The following COASY variants were observed in gnomAD, a reference collection of about 807,000 sequenced individuals.
COASY encodes Coenzyme A synthase.
In COASY, 31 loss-of-function variants were observed where a neutral mutation model predicts 49.4. The ratio of observed to expected loss-of-function variants is 0.63; its 90% CI spans 0.47 to 0.85. The LOEUF (loss-of-function observed/expected upper bound fraction) is 0.85. Among genes scored for constraint, COASY ranks in the 40% least tolerant of loss-of-function variants. The probability of loss-of-function intolerance (pLI) is 0.00; values close to 1 mark genes in which losing one functional copy is unlikely to be tolerated. For synonymous variants in COASY, 285 were observed against 310.9 expected (o/e 0.92, Z 0.88); for missense variants, 730 against 734.1 (o/e 0.99, Z 0.06).
In COASY at chr17:42,563,418, T is replaced by C. The variant is rs145954924; in HGVS notation, c.700+96T>C. The C allele has an allele frequency of 8.0e-4, 934 of 1,170,510 alleles. 10 individuals are homozygous for C. In the African/African-American group the frequency reaches 0.013, roughly 17 times the overall value. The allele number at this position is 1,170,510 out of a possible 1,614,324, so 72.5% of individuals were successfully genotyped here. Reference sequence around the variant, plus strand: ...ATCAAGGAAGGGTAGGGCCATTCATTACTTCCCACCCTTCCCAAATGTCAC... The same window carrying C: ...ATCAAGGAAGGGTAGGGCCATTCATCACTTCCCACCCTTCCCAAATGTCAC... On this transcript the variant is annotated intron_variant, in intron 1 of 8. Transcript: ENST00000393818.
Position 42,565,970 on chromosome 17 carries a change from A to T in COASY, c.*2A>T. ...AAGACTCATCAGGCCCTCGACTGAA[A>T]AGTTCTCAGTGGGGCCAGACTGGCT... On this transcript the variant is annotated 3_prime_UTR_variant, in exon 9 of 9. Transcript: ENST00000393818. 1 of 1,613,742 alleles carries T rather than the reference A, an allele frequency of 6.2e-7. No individual in the cohort carries two copies. Among genetic ancestry groups the T allele is most frequent in the South Asian group, 1.1e-5 (1 of 91,086 alleles).
chr17:42,566,096 C>A lies in COASY; in HGVS notation c.*128C>A. 2.0e-6 allele frequency: 2 copies of A among 981,008 alleles called. No homozygotes were observed. Among genetic ancestry groups the A allele is most frequent in the Non-Finnish European group, 3.1e-6 (2 of 638,284 alleles). The allele number at this position is 981,008 out of a possible 1,614,324, so 60.8% of individuals were successfully genotyped here. A position where few individuals can be genotyped will look rare whatever the true frequency, so the allele number is the denominator to read the frequency against. The stretch of plus-strand genomic sequence containing the variant: ...CCAAGCTATACTGTGCAGGACATGG[C>A]CAGGCCTGGTGGACACAGGAAGCCT... On this transcript the variant is annotated 3_prime_UTR_variant, in exon 9 of 9. Transcript: ENST00000393818.
chr17:42,565,737 C>G lies in COASY; in HGVS notation c.1564C>G (p.Gln522Glu). 6.2e-7 allele frequency: 1 copy of G among 1,613,940 alleles called. No individual in the cohort carries two copies. The highest frequency in any genetic ancestry group is 8.5e-7 in the Non-Finnish European group (1 of 1,180,034). ...CCGGCTGCAGAGCCAGATGAGCGGG[C>G]AGCAGCTTGTGGAACAGAGCCACGT... ...QSRLQSQMSG[Q>E]QLVEQSHVVL... Residue 522 changes from glutamine (Q) to glutamate (E), a missense_variant, in exon 8 of 9, where the codon CAG (glutamine) becomes GAG (glutamate). Transcript: ENST00000393818.
rs1182541093 is a variant in COASY, at chr17:42,565,239, A to G, written c.1315A>G (p.Ile439Val). ...TTCCCCTCCCCAGAAGCAGCTGAAG[A>G]TACTCACGGACATTATGTGGCCAAT... ...RVFGNKKQLK[I>V]LTDIMWPIIA... The change falls in exon 6 of 9, where the codon ATA becomes GTA. Residue 439 changes from isoleucine (I) to valine (V), a missense_variant. By Grantham distance (29) the Ile-to-Val change is conservative. Coordinates refer to ENST00000393818, the MANE Select transcript of COASY (RefSeq NM_025233.7). 1.9e-6 allele frequency: 3 copies of G among 1,614,120 alleles called. No homozygotes were observed. Among genetic ancestry groups the G allele is most frequent in the Non-Finnish European group, 2.5e-6 (3 of 1,180,022 alleles).
In COASY at chr17:42,566,172, GCAGTCCCCTCCC is replaced by G. The variant is rs1303195832; in HGVS notation, c.*207_*218del. ...CACTGAGGATGTGGTTCATGGGGGA[GCAGTCCCCTCCC>G]CACTCTTGCCCATGGGTGACTCTTA... is the stretch of plus-strand genomic sequence containing the variant. On this transcript the variant is annotated 3_prime_UTR_variant, in exon 9 of 9. Transcript: ENST00000393818. 2 of 602,848 alleles carry G rather than the reference GCAGTCCCCTCCC, an allele frequency of 3.3e-6. No homozygotes were observed. Among genetic ancestry groups the G allele is most frequent in the African/African-American group, 3.7e-5 (2 of 53,992 alleles). 37.3% of individuals were successfully genotyped at this position (602,848 alleles called of 1,614,324 possible). A position where few individuals can be genotyped will look rare whatever the true frequency, so the allele number is the denominator to read the frequency against.
In COASY at chr17:42,562,347, C is replaced by T; in HGVS notation, c.-276C>T. ...GATCCCCAGCCCTGTGACAAGGGTT[C>T]CTGTCCAGTTTCCCCCTCCCAGGAT... On this transcript the variant is annotated 5_prime_UTR_variant, in exon 1 of 9. Transcript: ENST00000393818. The T allele has an allele frequency of 3.4e-6, 5 of 1,474,760 alleles. No homozygotes were observed. In the South Asian group the frequency reaches 3.4e-5, roughly 10 times the overall value. 91.4% of individuals were successfully genotyped at this position (1,474,760 alleles called of 1,614,324 possible).
chr17:42,562,286 C>A lies in COASY; in HGVS notation c.-337C>A, dbSNP rs112423989. The A allele has an allele frequency of 1.1e-3, 932 of 813,526 alleles. 12 individuals are homozygous for A. The African/African-American group carries it at 0.014, about 12-fold the overall frequency. The allele number at this position is 813,526 out of a possible 1,614,324, so 50.4% of individuals were successfully genotyped here. ...CCTCCCTCTTCGATTCCTTGAAGACCCTGGTGCAGCTTAGCAAGAGGGCCC... is the reference window on the plus strand; with the variant it reads ...CCTCCCTCTTCGATTCCTTGAAGACACTGGTGCAGCTTAGCAAGAGGGCCC... On this transcript the variant is annotated 5_prime_UTR_variant, in exon 1 of 9. Transcript: ENST00000393818.
At chr17:42,565,613 C>G (rs1387342086) in intron 7 of COASY, 45 bp downstream of exon 7, 4 of 1,613,944 alleles carry the variant, frequency 2.5e-6, no homozygotes, top group Non-Finnish European at 3.4e-6. Context: ...CAGATCCTAT[C>G]CTGTGAGCTG....
chr17:42,562,923 C>T lies in COASY; in HGVS notation c.301C>T (p.Pro101Ser), dbSNP rs2092983950. Residue 101 changes from proline to serine, a missense_variant, in exon 1 of 9, where the codon CCC (proline) becomes TCC (serine). Coordinates refer to ENST00000393818, the MANE Select transcript of COASY (RefSeq NM_025233.7). ...RTKSTFLPPL[P>S]TSVQNLAHPP... Reference sequence around the variant, plus strand: ...CAAGAGCACCTTTCTCCCTCCCCTGCCCACCTCAGTCCAGAATCTCGCCCA... The same window carrying T: ...CAAGAGCACCTTTCTCCCTCCCCTGTCCACCTCAGTCCAGAATCTCGCCCA... The T allele has an allele frequency of 5.0e-6, 8 of 1,612,360 alleles. No homozygotes were observed. The highest frequency in any genetic ancestry group is 1.7e-4 in the Middle Eastern group (1 of 6,060).
chr17:42,566,163 C>G lies in COASY; in HGVS notation c.*195C>G. The G allele has an allele frequency of 1.6e-6, 1 of 614,986 alleles. No individual in the cohort carries two copies. The highest frequency in any genetic ancestry group is 2.9e-6 in the Non-Finnish European group (1 of 349,214). 38.1% of individuals were successfully genotyped at this position (614,986 alleles called of 1,614,324 possible). A position where few individuals can be genotyped will look rare whatever the true frequency, so the allele number is the denominator to read the frequency against. Reference sequence around the variant, plus strand: ...TTTGGCCAACACTGAGGATGTGGTTCATGGGGGAGCAGTCCCCTCCCCACT... The same window carrying G: ...TTTGGCCAACACTGAGGATGTGGTTGATGGGGGAGCAGTCCCCTCCCCACT... On this transcript the variant is annotated 3_prime_UTR_variant, in exon 9 of 9. Transcript: ENST00000393818.
At chr17:42,564,623 G>A (rs778875945) in intron 3 of COASY, 46 bp downstream of exon 3, 1 of 1,575,098 alleles carries the variant, frequency 6.3e-7, no homozygotes, top group Non-Finnish European at 8.6e-7. Context: ...TCCTGGCAAT[G>A]CTGGAGAGTA....
intron 5 of COASY, 70 bp from the exon 6 acceptor site, chr17:42,565,157 A>G (rs1313517288): frequency 1.3e-6 from 2 of 1,595,216 alleles, no homozygotes; most frequent in Non-Finnish European, 1.7e-6. Flanking sequence ...ATCTGTTCCC[A>G]ACACCACCTT....
rs1567904173 is a variant in COASY at position 42,563,339 on chromosome 17, C to T, written c.700+17C>T. Reference sequence around the variant, plus strand: ...TGTTGAAGAGTGAGTAAGAGGGACCCTGGACTAGGGTGGAGGATCCCCAAA... The same window carrying T: ...TGTTGAAGAGTGAGTAAGAGGGACCTTGGACTAGGGTGGAGGATCCCCAAA... On this transcript the variant is annotated intron_variant, in intron 1 of 8. Coordinates refer to ENST00000393818, the MANE Select transcript of COASY (RefSeq NM_025233.7). The T allele has an allele frequency of 1.3e-6, 2 of 1,564,776 alleles. No homozygotes were observed. The highest frequency in any genetic ancestry group is 2.3e-5 in the East Asian group (1 of 44,248).
chr17:42,564,867 C>T lies in COASY; in HGVS notation c.1206C>T (p.Ala402=), dbSNP rs747033277. 4 of 1,599,072 alleles carry T rather than the reference C, an allele frequency of 2.5e-6. No homozygotes were observed. Among genetic ancestry groups the T allele is most frequent in the South Asian group, 1.1e-5 (1 of 89,222 alleles). Reference sequence around the variant, plus strand: ...GGGCCTATGCCCCAGGTGGCCCTGCCTACCAGCCTGTGGTGGAGGCCTTTG... The same window carrying T: ...GGGCCTATGCCCCAGGTGGCCCTGCTTACCAGCCTGTGGTGGAGGCCTTTG... ...GHRAYAPGGP[A]YQPVVEAFGT... The change falls in exon 4 of 9, where the codon GCC becomes GCT. Residue 402 remains alanine (A), a synonymous_variant. Coordinates refer to ENST00000393818, the MANE Select transcript of COASY (RefSeq NM_025233.7).
rs967207484 is a variant in COASY at position 42,562,755 on chromosome 17, A to G, written c.133A>G (p.Met45Val). The G allele has an allele frequency of 6.3e-7, 1 of 1,594,814 alleles. No individual in the cohort carries two copies. The change falls in exon 1 of 9, where the codon ATG (methionine) becomes GTG (valine). Residue 45 changes from methionine to valine, a missense_variant. By Grantham distance (21) the Met-to-Val change is conservative. Coordinates refer to ENST00000393818, the MANE Select transcript of COASY (RefSeq NM_025233.7). ...HTLYVHLQPG[M>V]SLEGPAQPQS... is the part of the protein sequence containing the mutation. ...ACTCTATGTTCACCTGCAGCCGGGCATGAGCCTGGAGGGCCCGGCTCAGCC... is the reference window on the plus strand; with the variant it reads ...ACTCTATGTTCACCTGCAGCCGGGCGTGAGCCTGGAGGGCCCGGCTCAGCC...
chr17:42,562,795 T>C lies in COASY; in HGVS notation c.173T>C (p.Val58Ala). ...EGPAQPQSSP[V>A]QATFEVLDFI... ...CCGGCTCAGCCCCAGTCCAGCCCCGTGCAGGCCACGTTTGAGGTTCTTGAT... is the reference window on the plus strand; with the variant it reads ...CCGGCTCAGCCCCAGTCCAGCCCCGCGCAGGCCACGTTTGAGGTTCTTGAT... The change falls in exon 1 of 9, where the codon GTG becomes GCG. Residue 58 changes from valine (V) to alanine (A), a missense_variant. Physicochemically the swap from Val to Ala is moderately conservative, Grantham distance 64 (BLOSUM62 0). Transcript: ENST00000393818. The C allele has an allele frequency of 6.2e-7, 1 of 1,611,770 alleles. No homozygotes were observed. Among genetic ancestry groups the C allele is most frequent in the Non-Finnish European group, 8.5e-7 (1 of 1,178,758 alleles).
rs1296890978 is a variant in COASY at position 42,566,064 on chromosome 17, C to T, written c.*96C>T. 7.5e-7 allele frequency: 1 copy of T among 1,328,594 alleles called. No individual in the cohort carries two copies. Among genetic ancestry groups the T allele is most frequent in the Non-Finnish European group, 1.1e-6 (1 of 925,596 alleles). 82.3% of individuals were successfully genotyped at this position (1,328,594 alleles called of 1,614,324 possible). A position where few individuals can be genotyped will look rare whatever the true frequency, so the allele number is the denominator to read the frequency against. On this transcript the variant is annotated 3_prime_UTR_variant, in exon 9 of 9. Coordinates refer to ENST00000393818, the MANE Select transcript of COASY (RefSeq NM_025233.7). ...CTTGATGCTCACCCTGGTTCAGGCC[C>T]AGAGGTCCAAGCTATACTGTGCAGG...
chr17:42,564,800 G>T lies in COASY; in HGVS notation c.1139G>T (p.Gly380Val). ...GKSSIAQRLK[G>V]LGAFVIDSDH... ...AGCTCAATAGCTCAGCGACTGAAGGGCCTGGGGGCGTTTGTCATTGACAGT... is the reference window on the plus strand; with the variant it reads ...AGCTCAATAGCTCAGCGACTGAAGGTCCTGGGGGCGTTTGTCATTGACAGT... Residue 380 changes from glycine (G) to valine (V), a missense_variant, in exon 4 of 9, where the codon GGC becomes GTC. Coordinates refer to ENST00000393818, the MANE Select transcript of COASY (RefSeq NM_025233.7). The T allele has an allele frequency of 6.4e-7, 1 of 1,554,262 alleles. No homozygotes were observed. The highest frequency in any genetic ancestry group is 8.7e-7 in the Non-Finnish European group (1 of 1,154,678).
rs1375269179 is a variant in COASY, at chr17:42,562,759, G to T, written c.137G>T (p.Ser46Ile). 6.3e-7 allele frequency: 1 copy of T among 1,598,192 alleles called. No homozygotes were observed. The highest frequency in any genetic ancestry group is 1.7e-5 in the Admixed American group (1 of 59,290). The change falls in exon 1 of 9, where the codon AGC becomes ATC. Residue 46 changes from serine to isoleucine, a missense_variant. Transcript: ENST00000393818. The stretch of plus-strand genomic sequence containing the variant: ...TATGTTCACCTGCAGCCGGGCATGA[G>T]CCTGGAGGGCCCGGCTCAGCCCCAG... ...TLYVHLQPGM[S>I]LEGPAQPQSS...
Sources: gnomAD v4.1 joint callset for allele counts on GRCh38, gnomAD v4.1.1 for gene constraint, MANE v1.5 for transcripts, NCBI Gene and HGNC (gene_info 2026-07-23, HGNC 2026-07-21) for gene names.